Variants in CREBBP observed in about 807,000 individuals in gnomAD.
The protein encoded by CREBBP is CREB binding lysine acetyltransferase.
Under a neutral mutation model 265.0 loss-of-function variants are expected in CREBBP, and 19 were observed. The ratio of observed to expected loss-of-function variants is 0.07; its 90% CI spans 0.05 to 0.11. CREBBP has a LOEUF of 0.11. Among genes scored for constraint, CREBBP ranks in the 10% least tolerant of loss-of-function variants. The probability of loss-of-function intolerance (pLI) is 1.00; values close to 1 mark genes in which losing one functional copy is unlikely to be tolerated. For missense variants in CREBBP, 2,525 were observed against 3,219.0 expected, an observed-to-expected ratio of 0.78 and a Z score of 5.22; for synonymous variants, 1,457 against 1,223.7, an observed-to-expected ratio of 1.19 and a Z score of -3.98.
At chr16:3,813,018 T>C (rs2141354458) in intron 2 of CREBBP, 1 of 224,368 alleles carries the variant, frequency 4.5e-6, no homozygotes, top group African/African-American at 2.2e-5. Context: ...GCCTGTAAGA[T>C]GAGTGTCTTG....
At chr16:3,801,439 T>A (rs184212336) in intron 3 of CREBBP, among the ~76,000 whole-genome samples, 1 of 152,226 alleles carries the variant, frequency 6.6e-6, no homozygotes, top group Admixed American at 6.5e-5. Context: ...GAGGCCGAGG[T>A]GGGCAGATCA....
In CREBBP at chr16:3,725,420, T is replaced by C. The variant is rs2051717038; in HGVS notation, c.*2298A>G. The C allele has an allele frequency of 8.6e-6, 2 of 233,182 alleles. No homozygotes were observed. Among genetic ancestry groups the C allele is most frequent in the Admixed American group, 5.6e-5 (1 of 17,778 alleles). The allele number at this position is 233,182 out of a possible 1,614,324, so 14.4% of individuals were successfully genotyped here. A position where few individuals can be genotyped will look rare whatever the true frequency, so the allele number is the denominator to read the frequency against. On this transcript the variant is annotated 3_prime_UTR_variant, in exon 31 of 31. Transcript: ENST00000262367. ...AACCAGGAGGGCGCCACTTTCTGAG[T>C]GTGGGCTTAGAGCTGCTGCTCTCGG... is the stretch of plus-strand genomic sequence containing the variant.
intron 2 of CREBBP, among the ~76,000 whole-genome samples, chr16:3,828,679 T>C (rs558796718): frequency 4.6e-5 from 7 of 152,288 alleles, no homozygotes; most frequent in Non-Finnish European, 1.0e-4. Flanking sequence ...TACAGCTGTA[T>C]TACAGACAAA....
At chr16:3,839,819 G>A (rs1214123691) in intron 2 of CREBBP, among the ~76,000 whole-genome samples, 1 of 150,718 alleles carries the variant, frequency 6.6e-6, no homozygotes, top group Admixed American at 6.6e-5. Context: ...AGAAAGAAAG[G>A]AAAGAAAGAA....
intron 10 of CREBBP, 177 bp from the exon 11 acceptor site, chr16:3,777,834 A>G: frequency 9.3e-7 from 1 of 1,070,616 alleles, no homozygotes; most frequent in Non-Finnish European, 1.4e-6. Flanking sequence ...TTCCCAAGAG[A>G]GAAACTCAGT....
At chr16:3,779,315 C>CAGGT (rs1308086425) in intron 8 of CREBBP, among the ~76,000 whole-genome samples, 3 of 152,126 alleles carry the variant, frequency 2.0e-5, no homozygotes, top group Non-Finnish European at 4.4e-5. Context: ...CTGGGAAGTA[C>CAGGT]AGGTGCACAC....
At chr16:3,831,507 C>G (rs367824767) in intron 2 of CREBBP, among the ~76,000 whole-genome samples, 1 of 151,694 alleles carries the variant, frequency 6.6e-6, no homozygotes. Context: ...AACTTCTACC[C>G]CAAAGAAAAG....
chr16:3,754,691 G>A (rs965940703), intron 19 of CREBBP, among the ~76,000 whole-genome samples: 35 of 152,162 alleles, frequency 2.3e-4, no homozygotes, highest in African/African-American at 8.2e-4. Context: ...AACTGGGAAA[G>A]CTAAAGAACA....
intron 1 of CREBBP, among the ~76,000 whole-genome samples, chr16:3,851,430 T>C (rs2054834600): frequency 6.6e-6 from 1 of 151,790 alleles, no homozygotes; most frequent in Non-Finnish European, 1.5e-5. Flanking sequence ...AGGACAGCCC[T>C]ACTATATTTA....
chr16:3,861,455 G>C lies in CREBBP; in HGVS notation c.86-10446C>G, dbSNP rs566493229. Among the ~76,000 whole-genome samples the C allele has an allele frequency of 5.3e-5, 8 of 152,240 alleles. No individual in the cohort carries two copies. In the South Asian group the frequency reaches 1.7e-3, roughly 32 times the overall value. On this transcript the variant is annotated intron_variant, in intron 1 of 30. Coordinates refer to ENST00000262367, the MANE Select transcript of CREBBP (RefSeq NM_004380.3). ...CAAGGCACCTATGAGGGCTGAACCAGCCAAAGCCTTTAAGAACCTGGCACT... is the reference window on the plus strand; with the variant it reads ...CAAGGCACCTATGAGGGCTGAACCACCCAAAGCCTTTAAGAACCTGGCACT...
rs926745450 is a variant in CREBBP at position 3,729,274 on chromosome 16, C to A, written c.5773G>T (p.Ala1925Ser). The change falls in exon 31 of 31, where the codon GCC (alanine) becomes TCC (serine). Residue 1925 changes from alanine to serine, a missense_variant. By Grantham distance (99) the Ala-to-Ser change is moderately conservative. This residue lies in a region of CREBBP where 275 missense variants were observed against 276.5 expected (regional missense o/e 0.99). Coordinates refer to ENST00000262367, the MANE Select transcript of CREBBP (RefSeq NM_004380.3). The stretch of plus-strand genomic sequence containing the variant: ...ACCGTGGTGGGGGGCTGAGTCCGGG[C>A]CACGCTGGGGAAGCCAGCTGGTGAC... ...SMSPAGFPSV[A>S]RTQPPTTVST... 6.5e-7 allele frequency: 1 copy of A among 1,531,546 alleles called. No homozygotes were observed. The highest frequency in any genetic ancestry group is 8.7e-7 in the Non-Finnish European group (1 of 1,143,528). The allele number at this position is 1,531,546 out of a possible 1,614,324, so 94.9% of individuals were successfully genotyped here. A position where few individuals can be genotyped will look rare whatever the true frequency, so the allele number is the denominator to read the frequency against.
At chr16:3,777,131 C>G (rs2053159792) in intron 11 of CREBBP, among the ~76,000 whole-genome samples, 1 of 151,864 alleles carries the variant, frequency 6.6e-6, no homozygotes. Context: ...TCACGGAGAT[C>G]AAGACCATCC....
intron 3 of CREBBP, among the ~76,000 whole-genome samples, chr16:3,804,439 A>G (rs1345880901): frequency 6.6e-6 from 1 of 152,208 alleles, no homozygotes; most frequent in Non-Finnish European, 1.5e-5. Context: ...CGTGAACCTC[A>G]GGGCCATCTC....
chr16:3,801,038 C>T (rs1016071185), intron 3 of CREBBP, among the ~76,000 whole-genome samples: 1 of 152,178 alleles, frequency 6.6e-6, no homozygotes, highest in African/African-American at 2.4e-5. Flanking sequence ...TACAGCAGTT[C>T]ATTGAAGACA....
At chr16:3,734,992 C>G (rs1287572579) in intron 28 of CREBBP, among the ~76,000 whole-genome samples, 1 of 152,220 alleles carries the variant, frequency 6.6e-6, no homozygotes, top group Non-Finnish European at 1.5e-5. Context: ...GTCCCAAGTT[C>G]TGGGGCTGCA....
In CREBBP at chr16:3,781,314, G is replaced by A. The variant is rs1442710794; in HGVS notation, c.1574-8C>T. The A allele has an allele frequency of 1.2e-6, 2 of 1,608,282 alleles. No individual in the cohort carries two copies. The highest frequency in any genetic ancestry group is 4.5e-5 in the East Asian group (2 of 44,836). ...TGTTCATTGGATTATTTCCTTTAAAGACAGAAAAGAAATCAATCAACAGTT... is the reference window on the plus strand; with the variant it reads ...TGTTCATTGGATTATTTCCTTTAAAAACAGAAAAGAAATCAATCAACAGTT... On this transcript the variant is annotated splice_region_variant and splice_polypyrimidine_tract_variant and intron_variant, in intron 6 of 30. Coordinates refer to ENST00000262367, the MANE Select transcript of CREBBP (RefSeq NM_004380.3).
At chr16:3,879,784 G>C (rs1218361309) in intron 1 of CREBBP, 48 bp downstream of exon 1, 3 of 1,535,808 alleles carry the variant, frequency 2.0e-6, no homozygotes, top group Non-Finnish European at 2.6e-6. Context: ...TTTCAGGTGG[G>C]GGTGACAGCG....
rs759957043 is a variant in CREBBP, at chr16:3,782,697, A to G, written c.1560T>C (p.Thr520=). 7 of 1,614,092 alleles carry G rather than the reference A, an allele frequency of 4.3e-6. No individual in the cohort carries two copies. The South Asian group carries it at 6.6e-5, about 15-fold the overall frequency. Residue 520 remains threonine, a synonymous_variant, in exon 6 of 31, where the codon ACT becomes ACC. Coordinates refer to ENST00000262367, the MANE Select transcript of CREBBP (RefSeq NM_004380.3). Reference sequence around the variant, plus strand: ...TCCTTCACCTACCCAGGGGGTTGAGAGTCCTCATCTGCTGGTGGGTTTGAG... The same window carrying G: ...TCCTTCACCTACCCAGGGGGTTGAGGGTCCTCATCTGCTGGTGGGTTTGAG... ...AQPQTHQQMR[T]LNPLGNNPMN... is the part of the protein sequence containing the mutation.
intron 1 of CREBBP, among the ~76,000 whole-genome samples, chr16:3,875,875 G>A (rs980060494): frequency 3.9e-5 from 6 of 152,148 alleles, no homozygotes; most frequent in Non-Finnish European, 8.8e-5. Flanking sequence ...ATACATAACA[G>A]ACCATTTGGT....
Sources: gnomAD v4.1 joint callset for allele counts (sites outside exome capture counted in the v4.1 genomes callset) on GRCh38, gnomAD v4.1.1 for gene constraint, gnomAD v4.1.1 regional missense constraint, MANE v1.5 for transcripts, NCBI Gene and HGNC (gene_info 2026-07-23, HGNC 2026-07-21) for gene names.